SEMA3E: variants seen among roughly 807,000 people sequenced by gnomAD.
The protein encoded by SEMA3E is semaphorin 3E.
Under a neutral mutation model 93.6 loss-of-function variants are expected in SEMA3E, and 49 were observed. That is an observed-to-expected ratio of 0.52 (90% CI 0.42 to 0.66). The LOEUF (loss-of-function observed/expected upper bound fraction) is 0.66, where lower values mean the gene tolerates loss of function less well. Among genes scored for constraint, SEMA3E ranks in the 30% least tolerant of loss-of-function variants. SEMA3E has a pLI of 0.00. For missense variants in SEMA3E, 906 were observed against 964.8 expected, an observed-to-expected ratio of 0.94 and a Z score of 0.81; for synonymous variants, 363 against 330.7, an observed-to-expected ratio of 1.10 and a Z score of -1.06.
At chr7:83,473,584 T>C (rs1789947147) in intron 2 of SEMA3E, among the ~76,000 whole-genome samples, 1 of 152,204 alleles carries the variant, frequency 6.6e-6, no homozygotes, top group Non-Finnish European at 1.5e-5. Context: ...TTTAAAAATT[T>C]AAAAATCTTG....
At position 83,572,795 on chromosome 7, in the gene SEMA3E, A is replaced by C. The variant is rs1792314409; in HGVS notation, c.115+75633T>G. On this transcript the variant is annotated intron_variant, in intron 1 of 16. Coordinates refer to ENST00000643230, the MANE Select transcript of SEMA3E (RefSeq NM_012431.3). ...CGGGGAAAGGATTTCCTATTCAATA[A>C]ATAGTGCTAGAATAACTGGCTAGCA... Among the ~76,000 whole-genome samples the C allele has an allele frequency of 2.6e-5, 4 of 152,310 alleles. No individual in the cohort carries two copies. The South Asian group carries it at 8.3e-4, about 32-fold the overall frequency.
At chr7:83,387,396 G>C (rs1207488934) in intron 14 of SEMA3E, among the ~76,000 whole-genome samples, 1 of 152,118 alleles carries the variant, frequency 6.6e-6, no homozygotes, top group Admixed American at 6.6e-5. Flanking sequence ...AGCAGATAAA[G>C]ACAATGGGAT....
chr7:83,413,936 G>A (rs1047711583), intron 5 of SEMA3E, among the ~76,000 whole-genome samples: 3 of 151,976 alleles, frequency 2.0e-5, no homozygotes, highest in East Asian at 3.9e-4. Context: ...TTTTTTCTTA[G>A]TCCTTTACCT....
At chr7:83,480,116 C>G (rs1790115421) in intron 2 of SEMA3E, among the ~76,000 whole-genome samples, 2 of 152,104 alleles carry the variant, frequency 1.3e-5, no homozygotes, top group African/African-American at 4.8e-5. Flanking sequence ...TTTTAGCTGA[C>G]TAAACAATAT....
At chr7:83,440,952 A>C (rs1353985750) in intron 4 of SEMA3E, among the ~76,000 whole-genome samples, 2 of 152,214 alleles carry the variant, frequency 1.3e-5, no homozygotes, top group Non-Finnish European at 2.9e-5. Context: ...TCTGAAGGAC[A>C]CTAGCTATCT....
At chr7:83,369,184 A>T (rs918843681) in intron 16 of SEMA3E, among the ~76,000 whole-genome samples, 2 of 152,220 alleles carry the variant, frequency 1.3e-5, no homozygotes, top group African/African-American at 4.8e-5. Flanking sequence ...AAATGAAAGC[A>T]ATATTCTTCT....
intron 1 of SEMA3E, among the ~76,000 whole-genome samples, chr7:83,627,471 G>A (rs1323954920): frequency 6.6e-6 from 1 of 151,764 alleles, no homozygotes; most frequent in Non-Finnish European, 1.5e-5. Context: ...GATAGTTAGC[G>A]AATCTGGGTG....
intron 1 of SEMA3E, among the ~76,000 whole-genome samples, chr7:83,508,716 A>G (rs1790753127): frequency 6.6e-6 from 1 of 152,178 alleles, no homozygotes; most frequent in Non-Finnish European, 1.5e-5. Context: ...ATTATAAATT[A>G]TCTATGGGGA....
intron 1 of SEMA3E, among the ~76,000 whole-genome samples, chr7:83,563,869 T>A (rs114281593): frequency 6.6e-6 from 1 of 152,168 alleles, no homozygotes; most frequent in African/African-American, 2.4e-5. Context: ...TCCAATTTAA[T>A]ACCTGTCTGA....
chr7:83,408,209 A>C (rs1421670808), intron 6 of SEMA3E, among the ~76,000 whole-genome samples, 159 bp downstream of exon 6: 3 of 152,238 alleles, frequency 2.0e-5, no homozygotes, highest in African/African-American at 4.8e-5. Context: ...TACATATATT[A>C]TATACAATAT....
intron 4 of SEMA3E, among the ~76,000 whole-genome samples, chr7:83,420,729 C>T (rs1295967134): frequency 2.0e-5 from 3 of 152,150 alleles, no homozygotes; most frequent in African/African-American, 7.2e-5. Flanking sequence ...GAGGAAAGGA[C>T]TCCCTATTCA....
chr7:83,377,468 A>G (rs1787670562), intron 16 of SEMA3E, among the ~76,000 whole-genome samples: 1 of 151,974 alleles, frequency 6.6e-6, no homozygotes, highest in African/African-American at 2.4e-5. Flanking sequence ...AAAAACAGCC[A>G]CAGACTTTAG....
intron 1 of SEMA3E, among the ~76,000 whole-genome samples, chr7:83,516,242 T>C (rs1790925706): frequency 1.3e-5 from 2 of 152,210 alleles, no homozygotes; most frequent in South Asian, 2.1e-4. Flanking sequence ...ATACATGCAA[T>C]AGTCATGGAC....
At chr7:83,601,444 A>G (rs1165360356) in intron 1 of SEMA3E, among the ~76,000 whole-genome samples, 1 of 139,172 alleles carries the variant, frequency 7.2e-6, no homozygotes, top group East Asian at 2.1e-4. Context: ...TTTTTTTTTT[A>G]TCATTCTTAC....
intron 2 of SEMA3E, among the ~76,000 whole-genome samples, chr7:83,475,377 T>C (rs921501930): frequency 2.0e-5 from 3 of 152,258 alleles, no homozygotes; most frequent in South Asian, 2.1e-4. Flanking sequence ...TCTTTTCAAA[T>C]AGCCTGAAAA....
intron 5 of SEMA3E, among the ~76,000 whole-genome samples, chr7:83,418,170 AGAGT>A (rs1454053038): frequency 1.3e-5 from 2 of 152,208 alleles, no homozygotes; most frequent in African/African-American, 4.8e-5. Flanking sequence ...TTGTTTTCTC[AGAGT>A]GAGACACACA....
chr7:83,490,033 A>C, intron 2 of SEMA3E, 81 bp downstream of exon 2: 1 of 1,382,062 alleles, frequency 7.2e-7, no homozygotes, highest in South Asian at 1.2e-5. Flanking sequence ...TGGTCAATAC[A>C]ATTAAAAAAA....
chr7:83,646,510 C>G (rs956574536), intron 1 of SEMA3E, among the ~76,000 whole-genome samples: 7 of 152,040 alleles, frequency 4.6e-5, no homozygotes, highest in Non-Finnish European at 8.8e-5. Flanking sequence ...TCAGGTAACT[C>G]TCTCTATTCT....
At chr7:83,374,574 C>T (rs1240458889) in intron 16 of SEMA3E, among the ~76,000 whole-genome samples, 1 of 152,074 alleles carries the variant, frequency 6.6e-6, no homozygotes, top group Non-Finnish European at 1.5e-5. Flanking sequence ...TGTATGCATG[C>T]TATGGTATGT....
Sources: gnomAD v4.1 joint callset for allele counts (sites outside exome capture counted in the v4.1 genomes callset) on GRCh38, gnomAD v4.1.1 for gene constraint, MANE v1.5 for transcripts, NCBI Gene and HGNC (gene_info 2026-07-23, HGNC 2026-07-21) for gene names.